The following PLPPR1 variants were observed in gnomAD, a reference collection of about 807,000 sequenced individuals.
PLPPR1 encodes phospholipid phosphatase related 1.
In PLPPR1, 10 loss-of-function variants were observed where a neutral mutation model predicts 33.1. That is an observed-to-expected ratio of 0.30 (90% confidence interval 0.19 to 0.51). The LOEUF (loss-of-function observed/expected upper bound fraction) is 0.51, where lower values mean the gene tolerates loss of function less well. Ranked by LOEUF, PLPPR1 falls within the 20% of genes least tolerant of loss-of-function variation. The probability of loss-of-function intolerance (pLI) is 0.97; values close to 1 mark genes in which losing one functional copy is unlikely to be tolerated. For synonymous variants in PLPPR1, 151 were observed against 151.0 expected, an observed-to-expected ratio of 1.00 and a Z score of 0.00; for missense variants, 304 against 408.1, an observed-to-expected ratio of 0.74 and a Z score of 2.20.
At chr9:101,285,471 A>G (rs1828377759) in intron 3 of PLPPR1, among the ~76,000 whole-genome samples, 1 of 152,238 alleles carries the variant, frequency 6.6e-6, no homozygotes, top group Non-Finnish European at 1.5e-5. Context: ...TAGAATGTAA[A>G]TAATTGTAAT....
chr9:101,129,675 C>A (rs563366656), intron 1 of PLPPR1, among the ~76,000 whole-genome samples: 156 of 152,110 alleles, frequency 1.0e-3, no homozygotes, highest in African/African-American at 3.6e-3. Context: ...ACTAAAAATA[C>A]AAAAAAATAG....
chr9:101,051,305 A>ATCTCTC (rs372579621), intron 1 of PLPPR1, among the ~76,000 whole-genome samples: 1 of 149,668 alleles, frequency 6.7e-6, no homozygotes. Context: ...CACTACCACT[A>ATCTCTC]TCTCTCTCTC....
At chr9:101,229,302 A>G (rs1379243166) in intron 2 of PLPPR1, among the ~76,000 whole-genome samples, 2 of 152,080 alleles carry the variant, frequency 1.3e-5, no homozygotes, top group Admixed American at 1.3e-4. Flanking sequence ...CATTCCCAAG[A>G]TCTCAGAAAC....
At chr9:101,058,362 G>A (rs1355865649) in intron 1 of PLPPR1, among the ~76,000 whole-genome samples, 2 of 151,506 alleles carry the variant, frequency 1.3e-5, no homozygotes, top group Admixed American at 1.3e-4. Context: ...GTGAGACTCT[G>A]AGGAGGTGGG....
At chr9:101,073,267 C>A (rs1449071550) in intron 1 of PLPPR1, among the ~76,000 whole-genome samples, 1 of 152,082 alleles carries the variant, frequency 6.6e-6, no homozygotes, top group Non-Finnish European at 1.5e-5. Context: ...GTTTTGCAGC[C>A]AATCTATTGC....
intron 4 of PLPPR1, among the ~76,000 whole-genome samples, chr9:101,306,821 A>G (rs971337789): frequency 6.6e-6 from 1 of 152,224 alleles, no homozygotes; most frequent in African/African-American, 2.4e-5. Context: ...GCAATACTGG[A>G]GACCAAATGG....
intron 3 of PLPPR1, among the ~76,000 whole-genome samples, chr9:101,274,117 A>C (rs528794877): frequency 5.3e-5 from 8 of 152,318 alleles, no homozygotes; most frequent in Admixed American, 3.9e-4. Context: ...AGCATTAAGC[A>C]CCTACAGTTC....
At chr9:101,222,735 G>A (rs938081494) in intron 2 of PLPPR1, among the ~76,000 whole-genome samples, 2 of 152,156 alleles carry the variant, frequency 1.3e-5, no homozygotes, top group African/African-American at 4.8e-5. Flanking sequence ...TCCTGAGTTT[G>A]CATGGGAACA....
chr9:101,181,713 A>T (rs1826115735), intron 1 of PLPPR1, among the ~76,000 whole-genome samples: 1 of 47,896 alleles, frequency 2.1e-5, no homozygotes, highest in South Asian at 4.7e-4. Context: ...CACACACCAA[A>T]TTACTATTTG....
intron 1 of PLPPR1, among the ~76,000 whole-genome samples, chr9:101,089,686 ACTT>A (rs1564141573): frequency 2.0e-5 from 3 of 152,134 alleles, no homozygotes; most frequent in African/African-American, 4.8e-5. Context: ...TAGTCAGCCA[ACTT>A]CTTATTTTCA....
At chr9:101,263,297 A>T (rs1827933319) in intron 2 of PLPPR1, among the ~76,000 whole-genome samples, 1 of 152,210 alleles carries the variant, frequency 6.6e-6, no homozygotes, top group Non-Finnish European at 1.5e-5. Flanking sequence ...CTTATCCTTT[A>T]ACCATTGGTT....
At chr9:101,213,913 G>A (rs2118771972) in intron 2 of PLPPR1, among the ~76,000 whole-genome samples, 1 of 152,294 alleles carries the variant, frequency 6.6e-6, no homozygotes, top group African/African-American at 2.4e-5. Flanking sequence ...CATCAGTATT[G>A]TATCCCTTAA....
intron 2 of PLPPR1, among the ~76,000 whole-genome samples, chr9:101,264,496 C>T (rs1246685809): frequency 6.6e-6 from 1 of 152,168 alleles, no homozygotes; most frequent in East Asian, 1.9e-4. Context: ...CGCATAACTC[C>T]CACTGGGGAT....
chr9:101,067,830 G>A (rs1184740944), intron 1 of PLPPR1, among the ~76,000 whole-genome samples: 4 of 152,050 alleles, frequency 2.6e-5, no homozygotes, highest in Admixed American at 2.0e-4. Context: ...AAAGCCATGT[G>A]TTTAAATCCT....
At chr9:101,176,995 C>T (rs1221528413) in intron 1 of PLPPR1, among the ~76,000 whole-genome samples, 2 of 152,102 alleles carry the variant, frequency 1.3e-5, no homozygotes, top group African/African-American at 4.8e-5. Context: ...ATAGTCTCAG[C>T]AAAGAAAGTA....
intron 1 of PLPPR1, among the ~76,000 whole-genome samples, chr9:101,155,604 CT>C (rs35982232): frequency 0.16 from 23,598 of 143,992 alleles, 2,058 homozygotes; most frequent in Non-Finnish European, 0.2. Flanking sequence ...CTCTCTCTCT[CT>C]TTTTTTTTTT....
chr9:101,294,175 T>A (rs1189452208), intron 4 of PLPPR1, among the ~76,000 whole-genome samples: 2 of 151,900 alleles, frequency 1.3e-5, no homozygotes, highest in African/African-American at 4.8e-5. Context: ...TACAAACACC[T>A]CTATGCAAAT....
intron 1 of PLPPR1, among the ~76,000 whole-genome samples, chr9:101,099,834 A>G (rs1337737320): frequency 6.6e-6 from 1 of 152,144 alleles, no homozygotes; most frequent in Non-Finnish European, 1.5e-5. Flanking sequence ...ATGGCTCACC[A>G]GAAAGTGCCC....
chr9:101,233,675 C>T (rs1448202470), intron 2 of PLPPR1, among the ~76,000 whole-genome samples: 1 of 151,898 alleles, frequency 6.6e-6, no homozygotes, highest in African/African-American at 2.4e-5. Context: ...AATGTTTTAG[C>T]AAGAAGGTCC....
Sources: allele counts gnomAD v4.1 joint callset (sites outside exome capture counted in the v4.1 genomes callset), GRCh38; gene constraint gnomAD v4.1.1; transcripts MANE v1.5; gene names NCBI Gene and HGNC (gene_info 2026-07-23, HGNC 2026-07-21).